GPNMB: variants seen among roughly 807,000 people sequenced by gnomAD.
GPNMB encodes transmembrane glycoprotein NMB.
A neutral mutation model predicts 57.3 loss-of-function variants in GPNMB; 71 were observed. The observed-to-expected ratio is 1.24, with a 90% CI of 1.02 to 1.51. The LOEUF (loss-of-function observed/expected upper bound fraction) is 1.51. GPNMB is among the 40% of genes most tolerant of loss of function. GPNMB has a pLI of 0.00. For missense variants in GPNMB, 677 were observed against 691.9 expected (o/e 0.98, Z 0.24); for synonymous variants, 253 against 263.2 (o/e 0.96, Z 0.38).
chr7:23,273,989 A>G (rs758604083), intron 10 of GPNMB, 76 bp from the exon 11 acceptor site: 116 of 1,119,012 alleles, frequency 1.0e-4, no homozygotes, highest in Non-Finnish European at 9.2e-5. Flanking sequence ...TATACCTGGC[A>G]TGAAAAAGAT....
chr7:23,269,890 C>T, intron 8 of GPNMB, 77 bp from the exon 9 acceptor site: 1 of 915,680 alleles, frequency 1.1e-6, no homozygotes, highest in Non-Finnish European at 1.8e-6. Context: ...ATGACTTTCC[C>T]TTTGTAAAAT....
intron 1 of GPNMB, among the ~76,000 whole-genome samples, chr7:23,252,741 C>T (rs565095443): frequency 1.3e-5 from 2 of 152,232 alleles, no homozygotes; most frequent in South Asian, 4.1e-4. Context: ...TTCAAAAAAA[C>T]ACTATCAACT....
chr7:23,250,340 C>T (rs369423642), intron 1 of GPNMB, among the ~76,000 whole-genome samples: 9 of 152,090 alleles, frequency 5.9e-5, no homozygotes, highest in Non-Finnish European at 1.3e-4. Flanking sequence ...CTTGCCTAGT[C>T]CTAGATCCTG....
intron 2 of GPNMB, 61 bp from the exon 3 acceptor site, chr7:23,254,108 A>T: frequency 1.3e-6 from 2 of 1,523,896 alleles, no homozygotes; most frequent in South Asian, 2.5e-5. Flanking sequence ...TTAGCTCTAA[A>T]TGTTTATGAA....
chr7:23,249,751 T>C (rs2128480605), intron 1 of GPNMB, among the ~76,000 whole-genome samples: 1 of 152,316 alleles, frequency 6.6e-6, no homozygotes, highest in Non-Finnish European at 1.5e-5. Flanking sequence ...CTATTATGAA[T>C]AAAGCTGCTA....
At chr7:23,254,069 T>C (rs1352618490) in intron 2 of GPNMB, 100 bp from the exon 3 acceptor site, 1 of 1,021,780 alleles carries the variant, frequency 9.8e-7, no homozygotes, top group African/African-American at 1.6e-5. Context: ...TAAAGAGGCA[T>C]ATGGGTCCTC....
chr7:23,270,301 C>G, intron 9 of GPNMB, 126 bp downstream of exon 9: 1 of 637,240 alleles, frequency 1.6e-6, no homozygotes, highest in Non-Finnish European at 2.7e-6. Context: ...TCATTGAACT[C>G]TTATTAATAA....
At chr7:23,252,018 C>A (rs1456932765) in intron 1 of GPNMB, among the ~76,000 whole-genome samples, 1 of 152,146 alleles carries the variant, frequency 6.6e-6, no homozygotes, top group Non-Finnish European at 1.5e-5. Context: ...AAATTGCAGA[C>A]ACTAACTCAA....
Position 23,269,888 on chromosome 7 carries a change from C to G in GPNMB, c.1221-79C>G, listed in dbSNP as rs1292343319. 24 of 876,848 alleles carry G rather than the reference C, an allele frequency of 2.7e-5. No homozygotes were observed. The East Asian group carries it at 5.6e-4, about 20-fold the overall frequency. The allele number at this position is 876,848 out of a possible 1,614,324, so 54.3% of individuals were successfully genotyped here. On this transcript the variant is annotated intron_variant, in intron 8 of 10. Coordinates refer to ENST00000258733, the MANE Select transcript of GPNMB (RefSeq NM_002510.3). ...AATTTCATAGAAATGTAATGACTTTCCCTTTGTAAAATGGATCTGACCTTC... is the reference window on the plus strand; with the variant it reads ...AATTTCATAGAAATGTAATGACTTTGCCTTTGTAAAATGGATCTGACCTTC...
intron 3 of GPNMB, among the ~76,000 whole-genome samples, chr7:23,255,281 C>T (rs858273): frequency 0.53 from 80,671 of 152,064 alleles, 24,920 homozygotes; most frequent in African/African-American, 0.87. Context: ...TCTCCCAAAG[C>T]GCCGGGATTA....
intron 4 of GPNMB, among the ~76,000 whole-genome samples, chr7:23,258,369 T>C (rs1782831545): frequency 6.6e-6 from 1 of 152,240 alleles, no homozygotes; most frequent in Non-Finnish European, 1.5e-5. Flanking sequence ...TCAAATATTA[T>C]GCTCATCTAT....
intron 10 of GPNMB, 82 bp from the exon 11 acceptor site, chr7:23,273,983 C>A: frequency 2.9e-6 from 3 of 1,050,998 alleles, no homozygotes; most frequent in Non-Finnish European, 4.3e-6. Flanking sequence ...TCCTTTTATA[C>A]CTGGCATGAA....
rs1235387304 is a variant in GPNMB at position 23,260,074 on chromosome 7, C to G, written c.636C>G (p.Val212=). 4 of 1,613,856 alleles carry G rather than the reference C, an allele frequency of 2.5e-6. No individual in the cohort carries two copies. The highest frequency in any genetic ancestry group is 3.4e-6 in the Non-Finnish European group (4 of 1,179,910). Residue 212 remains valine (V), a synonymous_variant, in exon 5 of 11, where the codon GTC becomes GTG. Transcript: ENST00000258733. ...GGCCTCAACTCATGGAAGTGACTGT[C>G]TACAGAAGACATGGACGGGCATATG... The part of the protein sequence containing the change: ...TLGPQLMEVT[V]YRRHGRAYVP...
intron 1 of GPNMB, chr7:23,248,025 C>G (rs370268152): frequency 1.3e-5 from 2 of 152,444 alleles, no homozygotes; most frequent in East Asian, 3.9e-4. Context: ...CCATCCCGAC[C>G]TCTGTCCTTC....
Position 23,260,469 on chromosome 7 carries a change from G to C in GPNMB, c.714G>C (p.Val238=). ...DVYVVTDQIP[V]FVTMFQKNDR... ...TGTATCTTTTAGATCAGATTCCTGTGTTTGTGACTATGTTCCAGAAGAACG... is the reference window on the plus strand; with the variant it reads ...TGTATCTTTTAGATCAGATTCCTGTCTTTGTGACTATGTTCCAGAAGAACG... Residue 238 remains valine (V), a synonymous_variant, in exon 6 of 11, where the codon GTG becomes GTC. Transcript: ENST00000258733. The C allele has an allele frequency of 6.2e-7, 1 of 1,611,330 alleles. No individual in the cohort carries two copies. The highest frequency in any genetic ancestry group is 8.5e-7 in the Non-Finnish European group (1 of 1,178,058).
At chr7:23,268,070 C>A (rs1783113505) in intron 8 of GPNMB, 82 bp downstream of exon 8, 6 of 820,958 alleles carry the variant, frequency 7.3e-6, no homozygotes, top group Non-Finnish European at 1.3e-5. Context: ...CCACCAGTTA[C>A]CCCTTTTAAG....
In GPNMB at chr7:23,266,534, C is replaced by A. The variant is rs746942058; in HGVS notation, c.1036C>A (p.Pro346Thr). 21 of 1,612,818 alleles carry A rather than the reference C, an allele frequency of 1.3e-5. No individual in the cohort carries two copies. Among genetic ancestry groups the A allele is most frequent in the Non-Finnish European group, 1.7e-5 (20 of 1,179,008 alleles). The change falls in exon 7 of 11, where the codon CCC (proline) becomes ACC (threonine). Residue 346 changes from proline to threonine, a missense_variant. By Grantham distance (38) the Pro-to-Thr change is conservative (BLOSUM62 -1). Transcript: ENST00000258733. ...CACCCCAGGACCTGCTGGTGACAAC[C>A]CCCTGGAGCTGAGTAGGATTCCTGA... Reference protein sequence around the residue: ...TPSLGPAGDNPLELSRIPDEN... With the variant: ...TPSLGPAGDNTLELSRIPDEN...
chr7:23,274,760 C>T lies in GPNMB; in HGVS notation c.*536C>T, dbSNP rs2128486358. On this transcript the variant is annotated 3_prime_UTR_variant, in exon 11 of 11. Transcript: ENST00000258733. ...ACACTTGCTAGACTCAGAAAAAATACTACTCTCATAAATGGGTGGGAGTAT... is the reference window on the plus strand; with the variant it reads ...ACACTTGCTAGACTCAGAAAAAATATTACTCTCATAAATGGGTGGGAGTAT... The T allele has an allele frequency of 6.6e-6, 1 of 152,340 alleles. No homozygotes were observed. The highest frequency in any genetic ancestry group is 1.9e-4 in the East Asian group (1 of 5,176). The allele number at this position is 152,340 out of a possible 1,614,324, so 9.4% of individuals were successfully genotyped here.
chr7:23,272,846 C>CTTTTTTTTTTTTTTTTTT (rs34346503), intron 9 of GPNMB, among the ~76,000 whole-genome samples: 2 of 139,636 alleles, frequency 1.4e-5, no homozygotes, highest in African/African-American at 5.5e-5. Context: ...AGGTGGTGAT[C>CTTTTTTTTTTTTTTTTTT]TTTTTTTTTT....
Sources: gnomAD v4.1 joint callset for allele counts (sites outside exome capture counted in the v4.1 genomes callset) on GRCh38, gnomAD v4.1.1 for gene constraint, MANE v1.5 for transcripts, NCBI Gene and HGNC (gene_info 2026-07-23, HGNC 2026-07-21) for gene names.